GPC5: variants seen among roughly 807,000 people sequenced by gnomAD.
The protein encoded by GPC5 is glypican-5.
A neutral mutation model predicts 53.9 loss-of-function variants in GPC5; 47 were observed. The ratio of observed to expected loss-of-function variants is 0.87; its 90% CI spans 0.69 to 1.11. The LOEUF (loss-of-function observed/expected upper bound fraction) is 1.11. GPC5 is among the 50% of genes most tolerant of loss of function. The pLI is 0.00. For missense variants in GPC5, 748 were observed against 713.1 expected (o/e 1.05, Z -0.56); for synonymous variants, 286 against 263.3 (o/e 1.09, Z -0.84).
At chr13:91,980,921 T>C (rs1216028975) in intron 6 of GPC5, among the ~76,000 whole-genome samples, 1 of 152,248 alleles carries the variant, frequency 6.6e-6, no homozygotes, top group Non-Finnish European at 1.5e-5. Context: ...TTAAGGTGTA[T>C]AGTTCTAGTT....
chr13:92,212,997 T>G (rs1194578290), intron 7 of GPC5, among the ~76,000 whole-genome samples: 1 of 152,192 alleles, frequency 6.6e-6, no homozygotes, highest in Non-Finnish European at 1.5e-5. Flanking sequence ...GAGTTTTCTC[T>G]TGGCTGCAGT....
intron 7 of GPC5, among the ~76,000 whole-genome samples, chr13:92,358,303 G>A (rs1173532539): frequency 2.0e-5 from 3 of 151,168 alleles, no homozygotes; most frequent in Admixed American, 2.0e-4. Context: ...AAGTTTTTGG[G>A]CAACTCCACC....
intron 7 of GPC5, among the ~76,000 whole-genome samples, chr13:92,399,328 A>C (rs1031433215): frequency 1.3e-5 from 2 of 152,218 alleles, no homozygotes; most frequent in Non-Finnish European, 2.9e-5. Flanking sequence ...ACCATTATTA[A>C]GTGCTATTGG....
intron 7 of GPC5, among the ~76,000 whole-genome samples, chr13:92,666,905 T>C (rs928303966): frequency 1.5e-4 from 23 of 152,222 alleles, no homozygotes; most frequent in Admixed American, 1.1e-3. Flanking sequence ...TCATAGTTGC[T>C]TCAGGAAGGG....
chr13:92,394,101 T>G (rs57616706), intron 7 of GPC5, among the ~76,000 whole-genome samples: 5,899 of 152,112 alleles, frequency 0.039, 183 homozygotes, highest in Middle Eastern at 0.13. Flanking sequence ...TCCCTGGAGG[T>G]ATCTAAGCAC....
chr13:91,716,790 G>A (rs440323), intron 3 of GPC5, among the ~76,000 whole-genome samples: 1 of 152,168 alleles, frequency 6.6e-6, no homozygotes, highest in Non-Finnish European at 1.5e-5. Flanking sequence ...CAGAAGGAAG[G>A]CATGATATTA....
chr13:92,036,940 G>A (rs149699692), intron 6 of GPC5, among the ~76,000 whole-genome samples: 2 of 152,134 alleles, frequency 1.3e-5, no homozygotes, highest in Non-Finnish European at 2.9e-5. Flanking sequence ...TACTATAGTA[G>A]TCTCTGAAGT....
chr13:91,649,675 G>A lies in GPC5; in HGVS notation c.326-43512G>A, dbSNP rs142397467. 7.9e-4 allele frequency among the ~76,000 whole-genome samples: 120 copies of A among 152,320 alleles called. 1 individual carries two copies. Among genetic ancestry groups the A allele is most frequent in the African/African-American group, 2.7e-3 (113 of 41,580 alleles). On this transcript the variant is annotated intron_variant, in intron 2 of 7. Coordinates refer to ENST00000377067, the MANE Select transcript of GPC5 (RefSeq NM_004466.6). ...ATGCAGAGAATGTCTATATTGATCA[G>A]CAGTCCCAGGGGCCTTTTGTTTACC... is the stretch of plus-strand genomic sequence containing the variant.
At chr13:92,541,352 G>A (rs139464003) in intron 7 of GPC5, among the ~76,000 whole-genome samples, 3 of 151,676 alleles carry the variant, frequency 2.0e-5, no homozygotes, top group Admixed American at 6.6e-5. Context: ...TATTTATTAC[G>A]GGGAAATAAG....
At chr13:92,362,547 A>T (rs2043576750) in intron 7 of GPC5, among the ~76,000 whole-genome samples, 1 of 151,782 alleles carries the variant, frequency 6.6e-6, no homozygotes, top group African/African-American at 2.4e-5. Flanking sequence ...TGTCTCAGTT[A>T]TAAGTGAGGG....
intron 7 of GPC5, among the ~76,000 whole-genome samples, chr13:92,742,313 A>T (rs1195833005): frequency 6.6e-6 from 1 of 151,632 alleles, no homozygotes; most frequent in Non-Finnish European, 1.5e-5. Context: ...TGTGGTTTTG[A>T]TTTGTGTTTC....
chr13:92,000,846 G>T (rs750670216), intron 6 of GPC5, among the ~76,000 whole-genome samples: 9 of 152,132 alleles, frequency 5.9e-5, no homozygotes, highest in Non-Finnish European at 1.2e-4. Context: ...TATATGTAAG[G>T]CTAGGCAATG....
intron 6 of GPC5, among the ~76,000 whole-genome samples, chr13:92,030,346 T>C (rs2040831433): frequency 6.6e-6 from 1 of 152,204 alleles, no homozygotes; most frequent in Non-Finnish European, 1.5e-5. Flanking sequence ...TGTTATGTTC[T>C]CCACCATCCT....
chr13:91,862,568 C>A (rs9560874), intron 5 of GPC5, among the ~76,000 whole-genome samples: 7,567 of 152,180 alleles, frequency 0.05, 379 homozygotes, highest in East Asian at 0.22. Flanking sequence ...AAACACACTG[C>A]TTTTGTGTAT....
chr13:92,383,558 T>C (rs1266954249), intron 7 of GPC5, among the ~76,000 whole-genome samples: 3 of 152,228 alleles, frequency 2.0e-5, no homozygotes, highest in Non-Finnish European at 4.4e-5. Flanking sequence ...ATATGGACTC[T>C]TCTTGCATTC....
chr13:92,286,393 C>G (rs750671610), intron 7 of GPC5, among the ~76,000 whole-genome samples: 21 of 152,050 alleles, frequency 1.4e-4, no homozygotes, highest in Non-Finnish European at 2.6e-4. Context: ...GGGTATATAC[C>G]CAAAGGATTA....
At chr13:92,119,459 C>T (rs1358586149) in intron 6 of GPC5, among the ~76,000 whole-genome samples, 12 of 122,518 alleles carry the variant, frequency 9.8e-5, no homozygotes, top group African/African-American at 3.2e-4. Context: ...AGTGCAGTGG[C>T]GCGATCTCGG....
At chr13:92,432,811 T>G (rs1308752844) in intron 7 of GPC5, among the ~76,000 whole-genome samples, 1 of 152,110 alleles carries the variant, frequency 6.6e-6, no homozygotes, top group Admixed American at 6.5e-5. Context: ...AACCTCTAAG[T>G]AGCATGATTA....
intron 6 of GPC5, among the ~76,000 whole-genome samples, chr13:92,059,251 C>T: frequency 6.6e-6 from 1 of 151,400 alleles, no homozygotes; most frequent in African/African-American, 2.5e-5. Context: ...CAGCACACAT[C>T]TGGAGGGTAA....
Sources: gnomAD v4.1 joint callset for allele counts (sites outside exome capture counted in the v4.1 genomes callset) on GRCh38, gnomAD v4.1.1 for gene constraint, MANE v1.5 for transcripts, NCBI Gene and HGNC (gene_info 2026-07-23, HGNC 2026-07-21) for gene names.